C16orf87: variants seen among roughly 807,000 people sequenced by gnomAD.
C16orf87 encodes the protein UPF0547 protein C16orf87.
A neutral mutation model predicts 21.0 loss-of-function variants in C16orf87; 13 were observed. That is an observed-to-expected ratio of 0.62 (90% confidence interval 0.40 to 0.98). C16orf87 has a LOEUF of 0.98. C16orf87 is among the 50% of genes least tolerant of loss of function. The probability of loss-of-function intolerance (pLI) is 0.00; values close to 1 mark genes in which losing one functional copy is unlikely to be tolerated. For missense variants in C16orf87, 113 were observed against 180.4 expected (o/e 0.63, Z 2.14); for synonymous variants, 49 against 60.2 (o/e 0.81, Z 0.86).
intron 2 of C16orf87, among the ~76,000 whole-genome samples, chr16:46,817,169 T>A: frequency 6.6e-6 from 1 of 151,872 alleles, no homozygotes; most frequent in African/African-American, 2.4e-5. Context: ...CCACCTTGAG[T>A]TGAAGACCTG....
chr16:46,804,421 G>A (rs1353344599), intron 3 of C16orf87, among the ~76,000 whole-genome samples: 1 of 152,130 alleles, frequency 6.6e-6, no homozygotes. Flanking sequence ...GAGAAAGGCA[G>A]TATTGGTAGC....
chr16:46,803,014 C>T lies in C16orf87; in HGVS notation c.403G>A (p.Val135Met), dbSNP rs1023639823. 5.0e-6 allele frequency: 8 copies of T among 1,607,660 alleles called. No individual in the cohort carries two copies. Among genetic ancestry groups the T allele is most frequent in the South Asian group, 3.3e-5 (3 of 90,766 alleles). Reference protein sequence around the residue: ...YANLSDEKAFVFSVALAEINR... With the variant: ...YANLSDEKAFMFSVALAEINR... ...ATTTCTGCCAAGGCGACTGAAAACACGAAAGCCTTTTCATCAGACAGGTTA... is the reference window on the plus strand; with the variant it reads ...ATTTCTGCCAAGGCGACTGAAAACATGAAAGCCTTTTCATCAGACAGGTTA... The change falls in exon 4 of 4, where the codon GTG becomes ATG. Residue 135 changes from valine (V) to methionine (M), a missense_variant. Physicochemically the swap from Val to Met is conservative, Grantham distance 21. Transcript: ENST00000285697.
chr16:46,818,914 T>C (rs1959301804), intron 2 of C16orf87, among the ~76,000 whole-genome samples: 1 of 152,238 alleles, frequency 6.6e-6, no homozygotes, highest in Non-Finnish European at 1.5e-5. Flanking sequence ...ACAGGAAATA[T>C]CCTCTTCATA....
intron 3 of C16orf87, 109 bp from the exon 4 acceptor site, chr16:46,803,179 T>C: frequency 2.0e-6 from 1 of 508,782 alleles, no homozygotes; most frequent in Non-Finnish European, 3.5e-6. Flanking sequence ...TATATAATAC[T>C]ACAATATACA....
rs972502365 is a variant in C16orf87, at chr16:46,797,547, CCA to C, written c.*5403_*5404del. 1.3e-5 allele frequency: 2 copies of C among 152,176 alleles called. No homozygotes were observed. The highest frequency in any genetic ancestry group is 2.9e-5 in the Non-Finnish European group (2 of 68,056). The allele number at this position is 152,176 out of a possible 1,614,324, so 9.4% of individuals were successfully genotyped here. On this transcript the variant is annotated 3_prime_UTR_variant, in exon 4 of 4. Coordinates refer to ENST00000285697, the MANE Select transcript of C16orf87 (RefSeq NM_001001436.4). ...TATTTTTTGTAGAGTTGGGGTTTCA[CCA>C]CATTGTCCAGGCTGGTCTCGAACTC...
Position 46,831,064 on chromosome 16 carries a change from G to GCCCGGCC in C16orf87, c.66+13_66+19dup, listed in dbSNP as rs1406750948. ...CCAAGCCACTGCCGCCCGCCCGCGC[G>GCCCGGCC]CCCGGCCCCCGGCACCCACCTGTTG... On this transcript the variant is annotated intron_variant, in intron 1 of 3. Coordinates refer to ENST00000285697, the MANE Select transcript of C16orf87 (RefSeq NM_001001436.4). The GCCCGGCC allele has an allele frequency of 6.4e-7, 1 of 1,556,104 alleles. No individual in the cohort carries two copies. Among genetic ancestry groups the GCCCGGCC allele is most frequent in the Non-Finnish European group, 8.7e-7 (1 of 1,148,262 alleles).
chr16:46,806,123 A>C (rs1967920839), intron 3 of C16orf87, among the ~76,000 whole-genome samples: 1 of 152,192 alleles, frequency 6.6e-6, no homozygotes, highest in Non-Finnish European at 1.5e-5. Flanking sequence ...TTCCAGACAT[A>C]ACTGATACAC....
At chr16:46,809,863 T>C in intron 2 of C16orf87, 78 bp from the exon 3 acceptor site, 1 of 867,616 alleles carries the variant, frequency 1.2e-6, no homozygotes, top group Non-Finnish European at 1.8e-6. Flanking sequence ...TCTTCCTTTT[T>C]CTTTCTAAAT....
intron 1 of C16orf87, among the ~76,000 whole-genome samples, chr16:46,827,173 G>A (rs1016892687): frequency 6.6e-6 from 1 of 151,998 alleles, no homozygotes; most frequent in African/African-American, 2.4e-5. Context: ...TCATTCTATA[G>A]TCTGAGTTAA....
At chr16:46,804,699 C>A (rs1222638608) in intron 3 of C16orf87, among the ~76,000 whole-genome samples, 2 of 152,094 alleles carry the variant, frequency 1.3e-5, no homozygotes, top group African/African-American at 4.8e-5. Context: ...AACATGTAAC[C>A]CATGTCACAA....
intron 1 of C16orf87, among the ~76,000 whole-genome samples, chr16:46,824,767 G>C (rs1959552335): frequency 1.3e-5 from 2 of 150,364 alleles, no homozygotes; most frequent in Non-Finnish European, 2.9e-5. Flanking sequence ...CTGAGTTCAA[G>C]TGATTCTTCT....
rs138767914 is a variant in C16orf87, at chr16:46,801,274, G to C, written c.*1678C>G. ...CATGCCTGTAATCCCAGCACTTTGG[G>C]AGGCCAAGGCGGGCAGATCACCTAA... On this transcript the variant is annotated 3_prime_UTR_variant, in exon 4 of 4. Transcript: ENST00000285697. 1 of 152,176 alleles carries C rather than the reference G, an allele frequency of 6.6e-6. No individual in the cohort carries two copies. Among genetic ancestry groups the C allele is most frequent in the African/African-American group, 2.4e-5 (1 of 41,404 alleles). The allele number at this position is 152,176 out of a possible 1,614,324, so 9.4% of individuals were successfully genotyped here. A position where few individuals can be genotyped will look rare whatever the true frequency, so the allele number is the denominator to read the frequency against.
intron 3 of C16orf87, among the ~76,000 whole-genome samples, chr16:46,803,632 CCT>C (rs1967839556): frequency 6.6e-6 from 1 of 151,782 alleles, no homozygotes. Context: ...TTCAGGATCC[CCT>C]GATTCTATTT....
intron 3 of C16orf87, among the ~76,000 whole-genome samples, chr16:46,807,691 A>G (rs1251589258): frequency 2.0e-5 from 3 of 152,246 alleles, no homozygotes; most frequent in Non-Finnish European, 4.4e-5. Flanking sequence ...ATAAGATTCC[A>G]GTTTGTGCTA....
chr16:46,827,646 G>A (rs867137855), intron 1 of C16orf87, among the ~76,000 whole-genome samples: 1 of 151,598 alleles, frequency 6.6e-6, no homozygotes, highest in East Asian at 1.9e-4. Context: ...GCAATGGCGC[G>A]ATCTTGGCTC....
In C16orf87 at chr16:46,801,627, A is replaced by G. The variant is rs1325946195; in HGVS notation, c.*1325T>C. The stretch of plus-strand genomic sequence containing the variant: ...TAGGAAAATTCTTTATCCTATCTAG[A>G]GTACCTCTTAAGCTCCCTCTGCTGG... On this transcript the variant is annotated 3_prime_UTR_variant, in exon 4 of 4. Coordinates refer to ENST00000285697, the MANE Select transcript of C16orf87 (RefSeq NM_001001436.4). The G allele has an allele frequency of 1.3e-5, 2 of 152,244 alleles. No homozygotes were observed. The highest frequency in any genetic ancestry group is 2.9e-5 in the Non-Finnish European group (2 of 68,042). The allele number at this position is 152,244 out of a possible 1,614,324, so 9.4% of individuals were successfully genotyped here.
Position 46,797,851 on chromosome 16 carries a change from T to C in C16orf87, c.*5101A>G, listed in dbSNP as rs1376717740. On this transcript the variant is annotated 3_prime_UTR_variant, in exon 4 of 4. Coordinates refer to ENST00000285697, the MANE Select transcript of C16orf87 (RefSeq NM_001001436.4). ...ACTATAATTTTAAAAAACAATAAAT[T>C]ACAATCAGTAACAGAAAGATAACTG... The C allele has an allele frequency of 1.3e-5, 2 of 151,974 alleles. No homozygotes were observed. The highest frequency in any genetic ancestry group is 6.5e-5 in the Admixed American group (1 of 15,268). The allele number at this position is 151,974 out of a possible 1,614,324, so 9.4% of individuals were successfully genotyped here.
chr16:46,809,197 G>C (rs1968010917), intron 3 of C16orf87, among the ~76,000 whole-genome samples: 1 of 151,366 alleles, frequency 6.6e-6, no homozygotes, highest in Non-Finnish European at 1.5e-5. Flanking sequence ...GCTCAGGGGA[G>C]AATCACCGGA....
chr16:46,806,605 T>C, intron 3 of C16orf87, among the ~76,000 whole-genome samples: 1 of 152,190 alleles, frequency 6.6e-6, no homozygotes, highest in East Asian at 1.9e-4. Flanking sequence ...CTGCCTAACA[T>C]ATTTTAATCA....
Sources: allele counts gnomAD v4.1 joint callset (sites outside exome capture counted in the v4.1 genomes callset), GRCh38; gene constraint gnomAD v4.1.1; transcripts MANE v1.5; gene names NCBI Gene and HGNC (gene_info 2026-07-23, HGNC 2026-07-21).